ASB4: variants seen among roughly 807,000 people sequenced by gnomAD.
The protein encoded by ASB4 is ankyrin repeat and SOCS box protein 4.
A neutral mutation model predicts 38.6 loss-of-function variants in ASB4; 35 were observed. The ratio of observed to expected loss-of-function variants is 0.91; its 90% CI spans 0.69 to 1.20. ASB4 has a LOEUF of 1.20. Among genes scored for constraint, ASB4 ranks in the 50% most tolerant of loss-of-function variants. The pLI is 0.00. For synonymous variants in ASB4, 195 were observed against 201.3 expected, an observed-to-expected ratio of 0.97 and a Z score of 0.26; for missense variants, 557 against 527.2, an observed-to-expected ratio of 1.06 and a Z score of -0.55.
upstream of ASB4, chr7:95,485,881 C>T (rs1450549969): frequency 2.1e-5 from 24 of 1,119,270 alleles, no homozygotes; most frequent in Non-Finnish European, 2.9e-5. Context: ...ATAAAATTAG[C>T]CGACAGTTTG....
chr7:95,533,039 A>C (rs1790840378), intron 3 of ASB4, among the ~76,000 whole-genome samples: 1 of 152,186 alleles, frequency 6.6e-6, no homozygotes, highest in Non-Finnish European at 1.5e-5. Context: ...CTCTGTCCCT[A>C]ACCTTCTCAC....
At chr7:95,540,983 T>C (rs575306743), downstream of ASB4, among the ~76,000 whole-genome samples, 232 of 152,368 alleles carry the variant, frequency 1.5e-3, 1 homozygote, top group Middle Eastern at 3.4e-3. Flanking sequence ...AGTTCTAAGT[T>C]GGTACACTTT....
chr7:95,497,748 G>T (rs892636336), intron 2 of ASB4, among the ~76,000 whole-genome samples: 9 of 152,036 alleles, frequency 5.9e-5, no homozygotes, highest in Non-Finnish European at 1.3e-4. Flanking sequence ...AATTTTGCCT[G>T]TTTTCAGAAT....
intron 2 of ASB4, 148 bp from the exon 3 acceptor site, chr7:95,527,665 G>T (rs1790757314): frequency 2.5e-6 from 2 of 791,160 alleles, no homozygotes; most frequent in Non-Finnish European, 3.9e-6. Context: ...CAGGAAGAGA[G>T]CCTGGGGGCA....
chr7:95,512,626 T>G (rs1790498711), intron 2 of ASB4, among the ~76,000 whole-genome samples: 1 of 152,230 alleles, frequency 6.6e-6, no homozygotes, highest in Non-Finnish European at 1.5e-5. Flanking sequence ...GTACATAAAA[T>G]CTACACATTT....
chr7:95,481,948 G>A (rs556169157), upstream of ASB4, among the ~76,000 whole-genome samples: 10 of 152,338 alleles, frequency 6.6e-5, no homozygotes, highest in African/African-American at 1.9e-4. Flanking sequence ...ACTAGACAGT[G>A]TGAAACATGA....
At chr7:95,531,744 A>G (rs1790822411) in intron 3 of ASB4, among the ~76,000 whole-genome samples, 1 of 152,168 alleles carries the variant, frequency 6.6e-6, no homozygotes, top group African/African-American at 2.4e-5. Context: ...GGAATCTAGT[A>G]GTGGCATTCA....
chr7:95,509,097 C>G (rs1309404713), intron 2 of ASB4, among the ~76,000 whole-genome samples: 3 of 151,962 alleles, frequency 2.0e-5, no homozygotes, highest in Non-Finnish European at 4.4e-5. Flanking sequence ...TAAAGACCCC[C>G]AAAATAATGT....
intron 2 of ASB4, among the ~76,000 whole-genome samples, chr7:95,506,176 G>T (rs775088922): frequency 6.6e-6 from 1 of 152,154 alleles, no homozygotes; most frequent in Non-Finnish European, 1.5e-5. Context: ...GGAATTATAG[G>T]TGTGAGGCAT....
intron 2 of ASB4, among the ~76,000 whole-genome samples, chr7:95,500,892 A>G (rs1790327156): frequency 6.6e-6 from 1 of 152,128 alleles, no homozygotes; most frequent in Non-Finnish European, 1.5e-5. Context: ...TCGCTTTTGC[A>G]GCCTCCCACT....
chr7:95,529,628 C>A (rs993267358), intron 3 of ASB4, among the ~76,000 whole-genome samples: 1 of 152,130 alleles, frequency 6.6e-6, no homozygotes, highest in African/African-American at 2.4e-5. Context: ...GGAAGATTAA[C>A]TAATTCTTTT....
intron 3 of ASB4, 40 bp from the exon 4 acceptor site, chr7:95,536,397 A>G: frequency 7.9e-7 from 1 of 1,269,062 alleles, no homozygotes; most frequent in Non-Finnish European, 1.1e-6. Context: ...TGAACCATAT[A>G]TGTGCATCAA....
At chr7:95,503,687 A>G (rs1010396457) in intron 2 of ASB4, among the ~76,000 whole-genome samples, 2 of 152,224 alleles carry the variant, frequency 1.3e-5, no homozygotes, top group African/African-American at 4.8e-5. Context: ...TTGAGACAAC[A>G]TATAGACGAG....
In ASB4 at chr7:95,538,309, G is replaced by T. The variant is rs1359719022; in HGVS notation, c.*550G>T. On this transcript the variant is annotated 3_prime_UTR_variant, in exon 5 of 5. Coordinates refer to ENST00000325885, the MANE Select transcript of ASB4 (RefSeq NM_016116.3). ...CATATGAGCATAGTCAAAACAAGGA[G>T]ATCTTGGAGTCAAATTAGAAATGAG... The T allele has an allele frequency of 6.6e-6, 1 of 152,256 alleles. No individual in the cohort carries two copies. Among genetic ancestry groups the T allele is most frequent in the Non-Finnish European group, 1.5e-5 (1 of 68,084 alleles). The allele number at this position is 152,256 out of a possible 1,614,324, so 9.4% of individuals were successfully genotyped here. A position where few individuals can be genotyped will look rare whatever the true frequency, so the allele number is the denominator to read the frequency against.
upstream of ASB4, among the ~76,000 whole-genome samples, chr7:95,482,103 C>T (rs1295112847): frequency 6.6e-6 from 1 of 152,182 alleles, no homozygotes; most frequent in African/African-American, 2.4e-5. Flanking sequence ...CTGCTATTTG[C>T]TTTGTAGGTG....
chr7:95,487,709 T>C (rs73711321), intron 1 of ASB4, among the ~76,000 whole-genome samples: 1,627 of 152,326 alleles, frequency 0.011, 32 homozygotes, highest in African/African-American at 0.036. Flanking sequence ...CTGACTCCTA[T>C]GGTCCTCATA....
rs375286869 is a variant in ASB4 at position 95,528,035 on chromosome 7, T to G, written c.710T>G (p.Met237Arg). Reference sequence around the variant, plus strand: ...ACGGAGCACCACCTGGTCTGCCGCATGCTGCTTGACTACAAAGCCGAAGTC... The same window carrying G: ...ACGGAGCACCACCTGGTCTGCCGCAGGCTGCTTGACTACAAAGCCGAAGTC... The part of the protein sequence containing the change: ...YSTEHHLVCR[M>R]LLDYKAEVNA... The change falls in exon 3 of 5, where the codon ATG becomes AGG. Residue 237 changes from methionine to arginine, a missense_variant. Coordinates refer to ENST00000325885, the MANE Select transcript of ASB4 (RefSeq NM_016116.3). The G allele has an allele frequency of 6.2e-7, 1 of 1,614,144 alleles. No homozygotes were observed. Among genetic ancestry groups the G allele is most frequent in the Non-Finnish European group, 8.5e-7 (1 of 1,180,040 alleles).
chr7:95,508,775 A>G (rs1257927826), intron 2 of ASB4, among the ~76,000 whole-genome samples: 1 of 152,162 alleles, frequency 6.6e-6, no homozygotes, highest in Non-Finnish European at 1.5e-5. Flanking sequence ...AAAATATGGA[A>G]CTAAGCTGGA....
chr7:95,527,393 T>G (rs557606393), intron 2 of ASB4, among the ~76,000 whole-genome samples: 2 of 152,350 alleles, frequency 1.3e-5, no homozygotes, highest in South Asian at 4.1e-4. Context: ...TGGAATATTC[T>G]AAACAGTTGA....
Sources: gnomAD v4.1 joint callset for allele counts (sites outside exome capture counted in the v4.1 genomes callset) on GRCh38, gnomAD v4.1.1 for gene constraint, MANE v1.5 for transcripts, NCBI Gene and HGNC (gene_info 2026-07-23, HGNC 2026-07-21) for gene names.